The following TYK2 variants were observed in gnomAD, a reference collection of about 807,000 sequenced individuals.
TYK2 encodes tyrosine kinase 2, also known as non-receptor tyrosine-protein kinase TYK2.
A neutral mutation model predicts 130.9 loss-of-function variants in TYK2; 65 were observed. That is an observed-to-expected ratio of 0.50 (90% CI 0.41 to 0.61). TYK2 has a LOEUF of 0.61. TYK2 is among the 20% of genes least tolerant of loss of function. The pLI, the probability that TYK2 is intolerant of heterozygous loss-of-function variation, is 0.00. For missense variants in TYK2, 1,378 were observed against 1,610.7 expected, an observed-to-expected ratio of 0.86 and a Z score of 2.47; for synonymous variants, 647 against 658.9, an observed-to-expected ratio of 0.98 and a Z score of 0.28.
At chr19:10,360,042 C>T (rs1271431343) in intron 14 of TYK2, among the ~76,000 whole-genome samples, 2 of 151,404 alleles carry the variant, frequency 1.3e-5, no homozygotes, top group Non-Finnish European at 2.9e-5. Flanking sequence ...ATTAGCTGGG[C>T]ATGGTGGCAC....
At chr19:10,358,291 CTTG>C (rs2041211807) in intron 15 of TYK2, among the ~76,000 whole-genome samples, 153 bp from the exon 16 acceptor site, 4 of 118,654 alleles carry the variant, frequency 3.4e-5, no homozygotes, top group Admixed American at 1.6e-4. Flanking sequence ...TTATTTTTTT[CTTG>C]TTTTTTTTTT....
chr19:10,354,488 T>C (rs2040980969), intron 19 of TYK2, 24 bp downstream of exon 19: 4 of 1,607,208 alleles, frequency 2.5e-6, no homozygotes, highest in Non-Finnish European at 3.4e-6. Context: ...GCGGGCCTTT[T>C]AGCAGCTCAG....
At chr19:10,368,932 C>G (rs766671356) in intron 3 of TYK2, among the ~76,000 whole-genome samples, 1 of 152,022 alleles carries the variant, frequency 6.6e-6, no homozygotes, top group African/African-American at 2.4e-5. Flanking sequence ...TCTCAGCCTC[C>G]TGAGTTGCTG....
Position 10,374,756 on chromosome 19 carries a change from G to A in TYK2, c.193+3458C>T, listed in dbSNP as rs542348577. Reference sequence around the variant, plus strand: ...AAATTAGCTGGGCGTGGTGGCAGGCGCCTGTAATCCCAGCTACTCAGGAGG... The same window carrying A: ...AAATTAGCTGGGCGTGGTGGCAGGCACCTGTAATCCCAGCTACTCAGGAGG... On this transcript the variant is annotated intron_variant, in intron 3 of 24. Transcript: ENST00000525621. Among the ~76,000 whole-genome samples the A allele has an allele frequency of 8.6e-5, 13 of 151,360 alleles. 1 individual carries two copies. In the South Asian group the frequency reaches 2.7e-3, roughly 31 times the overall value.
rs766927156 is a variant in TYK2 at position 10,377,396 on chromosome 19, G to A, written c.193+818C>T. Among the ~76,000 whole-genome samples, 284 of 112,166 alleles carry A rather than the reference G, an allele frequency of 2.5e-3. 2 individuals carry two copies. Among genetic ancestry groups the A allele is most frequent in the African/African-American group, 0.01 (266 of 25,410 alleles). 73.6% of individuals were successfully genotyped at this position (112,166 alleles called of 152,430 possible). On this transcript the variant is annotated intron_variant, in intron 3 of 24. Transcript: ENST00000525621. ...GATAGATGGATGAATAGGTGGGTGG[G>A]TGGGTGGATGGATGGATGGATGGAT...
In TYK2 at chr19:10,353,927, A is replaced by C; in HGVS notation, c.2908+115T>G. On this transcript the variant is annotated intron_variant, in intron 20 of 24. Transcript: ENST00000525621. This position sits in a 1 kb window ranked among gnomAD's most constrained non-coding sequence, Gnocchi z 6.9. ...CCAGATGCCAAGAACCGCGTACTGCAGCCTGGGGTTGAGAGTCTCTAATTG... is the reference window on the plus strand; with the variant it reads ...CCAGATGCCAAGAACCGCGTACTGCCGCCTGGGGTTGAGAGTCTCTAATTG... 10 of 1,149,488 alleles carry C rather than the reference A, an allele frequency of 8.7e-6. No homozygotes were observed. Among genetic ancestry groups the C allele is most frequent in the Admixed American group, 1.8e-5 (1 of 54,680 alleles). The allele number at this position is 1,149,488 out of a possible 1,614,324, so 71.2% of individuals were successfully genotyped here.
chr19:10,354,349 C>T, intron 19 of TYK2, 115 bp from the exon 20 acceptor site: 2 of 1,384,242 alleles, frequency 1.4e-6, no homozygotes, highest in Non-Finnish European at 2.0e-6. Context: ...CCCCAGGCCC[C>T]GCCTACTCCG....
Position 10,370,510 on chromosome 19 carries a change from C to CA in TYK2, c.194-2093dup, listed in dbSNP as rs36008928. Reference sequence around the variant, plus strand: ...GCCTGGCGACACAGCAAGACTGTCTCAAAAAAAAAAAAAAAAATGGTATCT... The same window carrying CA: ...GCCTGGCGACACAGCAAGACTGTCTCAAAAAAAAAAAAAAAAAATGGTATCT... On this transcript the variant is annotated intron_variant, in intron 3 of 24. Coordinates refer to ENST00000525621, the MANE Select transcript of TYK2 (RefSeq NM_003331.5). Among the ~76,000 whole-genome samples the CA allele has an allele frequency of 5.3e-3, 674 of 128,326 alleles. 1 individual carries two copies. Among genetic ancestry groups the CA allele is most frequent in the East Asian group, 0.01 (44 of 4,378 alleles). 84.2% of individuals were successfully genotyped at this position (128,326 alleles called of 152,430 possible).
In TYK2 at chr19:10,365,632, G is replaced by T; in HGVS notation, c.896C>A (p.Ala299Asp). ...AGACTCAGGGCCAGGGTCTGTAGGG[G>T]CCACCCCACTGTCCCGGATGTAGCA... ...EPCYIRDSGV[A>D]PTDPGPESAA... Residue 299 changes from alanine to aspartate, a missense_variant, in exon 7 of 25, where the codon GCC becomes GAC. Coordinates refer to ENST00000525621, the MANE Select transcript of TYK2 (RefSeq NM_003331.5). 2 of 1,613,890 alleles carry T rather than the reference G, an allele frequency of 1.2e-6. No individual in the cohort carries two copies. The highest frequency in any genetic ancestry group is 8.5e-7 in the Non-Finnish European group (1 of 1,179,922).
intron 19 of TYK2, 99 bp from the exon 20 acceptor site, chr19:10,354,333 G>A: frequency 1.4e-6 from 2 of 1,478,672 alleles, no homozygotes; most frequent in Non-Finnish European, 1.9e-6. Flanking sequence ...AGATCCTTTC[G>A]GAATACCCCA....
intron 18 of TYK2, among the ~76,000 whole-genome samples, chr19:10,355,116 A>G (rs2041024486): frequency 6.6e-6 from 1 of 151,840 alleles, no homozygotes; most frequent in Admixed American, 6.6e-5. Flanking sequence ...TAGAGGGCAC[A>G]GATATTTCAT....
chr19:10,352,361 C>A (rs1245388865), intron 23 of TYK2, 73 bp downstream of exon 23: 5 of 1,047,488 alleles, frequency 4.8e-6, no homozygotes, highest in Non-Finnish European at 7.5e-6. Flanking sequence ...CTTGAGCCAC[C>A]GCGCCTGGCC....
At chr19:10,370,510 CA>C (rs36008928) in intron 3 of TYK2, among the ~76,000 whole-genome samples, 74,790 of 128,158 alleles carry the variant, frequency 0.58, 20,790 homozygotes, top group African/African-American at 0.73. Flanking sequence ...AAGACTGTCT[CA>C]AAAAAAAAAA....
At chr19:10,378,102 G>T in intron 3 of TYK2, 112 bp downstream of exon 3, 1 of 1,043,930 alleles carries the variant, frequency 9.6e-7, no homozygotes, top group Non-Finnish European at 1.4e-6. Context: ...GGATGGATGA[G>T]TGGGTGGATG....
chr19:10,374,609 C>T (rs1424609913), intron 3 of TYK2, among the ~76,000 whole-genome samples: 2 of 142,696 alleles, frequency 1.4e-5, no homozygotes, highest in Admixed American at 7.1e-5. Context: ...AAAAAAAAGC[C>T]GGGCACGGTG....
At chr19:10,363,587 C>A (rs1348352199) in intron 9 of TYK2, among the ~76,000 whole-genome samples, 1 of 152,156 alleles carries the variant, frequency 6.6e-6, no homozygotes, top group Non-Finnish European at 1.5e-5. Context: ...CAGCCATGAC[C>A]ATCGCCACTC....
At chr19:10,360,551 G>A (rs2041349777) in intron 14 of TYK2, among the ~76,000 whole-genome samples, 1 of 151,998 alleles carries the variant, frequency 6.6e-6, no homozygotes, top group African/African-American at 2.4e-5. Context: ...GGATGGGGGG[G>A]ATGGGCATGG....
At chr19:10,366,689 G>T (rs1599353612) in intron 5 of TYK2, 109 bp from the exon 6 acceptor site, 1 of 1,168,218 alleles carries the variant, frequency 8.6e-7, no homozygotes, top group South Asian at 1.2e-5. Flanking sequence ...GAAGTGTCTT[G>T]GGCCCTACAT....
intron 12 of TYK2, 55 bp downstream of exon 12, chr19:10,362,023 G>A: frequency 1.2e-6 from 2 of 1,613,116 alleles, no homozygotes; most frequent in Non-Finnish European, 1.7e-6. Flanking sequence ...AGGGCCCCCA[G>A]CACCCACATC....
Sources: allele counts gnomAD v4.1 joint callset (sites outside exome capture counted in the v4.1 genomes callset), GRCh38; gene constraint gnomAD v4.1.1; non-coding constraint Gnocchi (gnomAD v3.1); transcripts MANE v1.5; gene names NCBI Gene and HGNC (gene_info 2026-07-23, HGNC 2026-07-21).